WDR72: variants seen among roughly 807,000 people sequenced by gnomAD.
WDR72 encodes the protein WD repeat-containing protein 72.
Under a neutral mutation model 124.2 loss-of-function variants are expected in WDR72, and 120 were observed. The observed-to-expected ratio is 0.97, with a 90% CI of 0.83 to 1.12. WDR72 has a LOEUF of 1.12. WDR72 is among the 50% of genes most tolerant of loss of function. The pLI is 0.00. For missense variants in WDR72, 1,387 were observed against 1,278.8 expected, an observed-to-expected ratio of 1.08 and a Z score of -1.29; for synonymous variants, 452 against 441.7, an observed-to-expected ratio of 1.02 and a Z score of -0.29.
intron 18 of WDR72, among the ~76,000 whole-genome samples, chr15:53,540,386 G>C (rs1175231376): frequency 6.6e-6 from 1 of 152,072 alleles, no homozygotes; most frequent in Non-Finnish European, 1.5e-5. Context: ...TCCAGGAATG[G>C]AACTAGCACA....
chr15:53,746,218 T>A (rs1227415723), intron 1 of WDR72, among the ~76,000 whole-genome samples: 2 of 152,212 alleles, frequency 1.3e-5, no homozygotes, highest in Non-Finnish European at 2.9e-5. Flanking sequence ...TTTGTTTTTA[T>A]CTTTCTGACT....
rs71297666 is a variant in WDR72 at position 53,650,893 on chromosome 15, G to GTTTTTTTT, written c.1962+14671_1962+14678dup. On this transcript the variant is annotated intron_variant, in intron 14 of 19. Transcript: ENST00000360509. ...CAGACACACTCTCTCCTCTAATTCA[G>GTTTTTTTT]TTTTTTTTTTTTTTTTTTTTTTTAC... is the stretch of plus-strand genomic sequence containing the variant. Among the ~76,000 whole-genome samples the GTTTTTTTT allele has an allele frequency of 4.7e-3, 501 of 106,736 alleles. 33 individuals are homozygous for GTTTTTTTT. Among genetic ancestry groups the GTTTTTTTT allele is most frequent in the African/African-American group, 0.018 (474 of 26,456 alleles). 70.0% of individuals were successfully genotyped at this position (106,736 alleles called of 152,430 possible).
At chr15:53,624,114 T>C (rs1178750941) in intron 14 of WDR72, among the ~76,000 whole-genome samples, 1 of 152,062 alleles carries the variant, frequency 6.6e-6, no homozygotes, top group Non-Finnish European at 1.5e-5. Context: ...AGAAGACCTC[T>C]GAAGTGATGG....
At chr15:53,713,153 T>TA (rs56361280) in intron 6 of WDR72, among the ~76,000 whole-genome samples, 203 of 130,690 alleles carry the variant, frequency 1.6e-3, no homozygotes, top group Non-Finnish European at 2.3e-3. Flanking sequence ...CCTGAAAGTT[T>TA]AAAAAAAAAA....
rs189026841 is a variant in WDR72, at chr15:53,527,316, T to C, written c.3149-3994A>G. 2.6e-5 allele frequency among the ~76,000 whole-genome samples: 4 copies of C among 152,120 alleles called. No individual in the cohort carries two copies. The East Asian group carries it at 7.8e-4, about 30-fold the overall frequency. On this transcript the variant is annotated intron_variant, in intron 18 of 19. Coordinates refer to ENST00000360509, the MANE Select transcript of WDR72 (RefSeq NM_182758.4). ...TCTCTAAAAATTCCGTTCTTCCTTT[T>C]CTCCTCACTTGCAGAAAGATGGTAT... is the stretch of plus-strand genomic sequence containing the variant.
At chr15:53,747,608 A>G (rs2018674272) in intron 1 of WDR72, among the ~76,000 whole-genome samples, 2 of 152,190 alleles carry the variant, frequency 1.3e-5, no homozygotes, top group South Asian at 2.1e-4. Flanking sequence ...CTTTCATTAC[A>G]TGGATGAGGT....
chr15:53,721,573 T>C (rs988255914), intron 3 of WDR72, among the ~76,000 whole-genome samples: 3 of 152,222 alleles, frequency 2.0e-5, no homozygotes, highest in Non-Finnish European at 4.4e-5. Flanking sequence ...AATATTACAA[T>C]TAATGATTTA....
In WDR72 at chr15:53,616,164, A is replaced by G; in HGVS notation, c.2042T>C (p.Ile681Thr). 1.2e-6 allele frequency: 2 copies of G among 1,607,402 alleles called. No homozygotes were observed. The highest frequency in any genetic ancestry group is 2.2e-5 in the South Asian group (2 of 90,356). The change falls in exon 15 of 20, where the codon ATT becomes ACT. Residue 681 changes from isoleucine (I) to threonine (T), a missense_variant. Physicochemically the swap from Ile to Thr is moderately conservative, Grantham distance 89. Transcript: ENST00000360509. ...AAGGTTTTCCAGATCAAATAGAAGA[A>G]TATGAAAGCCAACGTTACTCCATTT... is the stretch of plus-strand genomic sequence containing the variant. ...KTKWSNVGFH[I>T]LLFDLENLVE...
At chr15:53,757,927 A>G (rs2018954200) in intron 1 of WDR72, among the ~76,000 whole-genome samples, 1 of 152,170 alleles carries the variant, frequency 6.6e-6, no homozygotes, top group Admixed American at 6.5e-5. Context: ...CATTGGGTAG[A>G]GACCGTTAAT....
chr15:53,714,558 G>T, intron 5 of WDR72, 48 bp from the exon 6 acceptor site: 2 of 1,443,592 alleles, frequency 1.4e-6, no homozygotes, highest in South Asian at 1.1e-5. Context: ...GGATATAATT[G>T]GGTAGGTAAA....
chr15:53,656,190 A>G (rs2015414715), intron 14 of WDR72, among the ~76,000 whole-genome samples: 2 of 152,248 alleles, frequency 1.3e-5, no homozygotes, highest in South Asian at 4.1e-4. Flanking sequence ...CCAAAAGATT[A>G]TGCAGGATAT....
intron 18 of WDR72, among the ~76,000 whole-genome samples, chr15:53,533,548 G>C (rs1246768175): frequency 6.6e-6 from 1 of 152,056 alleles, no homozygotes; most frequent in Admixed American, 6.5e-5. Flanking sequence ...AAGGACCTTT[G>C]TTCACTCAGC....
chr15:53,635,055 T>C (rs1178726771), intron 14 of WDR72, among the ~76,000 whole-genome samples: 1 of 152,208 alleles, frequency 6.6e-6, no homozygotes, highest in Non-Finnish European at 1.5e-5. Context: ...CTCAACTGTG[T>C]CACTAAAGTG....
At chr15:53,525,271 A>G (rs74017407) in intron 18 of WDR72, among the ~76,000 whole-genome samples, 7,645 of 152,110 alleles carry the variant, frequency 0.05, 435 homozygotes, top group African/African-American at 0.14. Context: ...AATGATTTTT[A>G]TCTCTATATA....
chr15:53,551,442 C>G (rs1429481618), intron 18 of WDR72, among the ~76,000 whole-genome samples: 1 of 152,160 alleles, frequency 6.6e-6, no homozygotes, highest in Non-Finnish European at 1.5e-5. Context: ...CTCAGCCTTT[C>G]TCTTTCCAGC....
At chr15:53,665,154 G>A in intron 14 of WDR72, among the ~76,000 whole-genome samples, 1 of 151,708 alleles carries the variant, frequency 6.6e-6, no homozygotes, top group East Asian at 1.9e-4. Context: ...TACAGATATT[G>A]GTTATATCAA....
chr15:53,560,663 G>A (rs557676245), intron 18 of WDR72, among the ~76,000 whole-genome samples: 5 of 151,970 alleles, frequency 3.3e-5, no homozygotes, highest in East Asian at 1.9e-4. Flanking sequence ...AACTTTGGAA[G>A]TCTAGTTTAA....
chr15:53,723,611 G>C (rs923736697), intron 2 of WDR72, among the ~76,000 whole-genome samples: 12 of 152,080 alleles, frequency 7.9e-5, no homozygotes, highest in African/African-American at 1.2e-4. Context: ...TTATCCATGG[G>C]GGACTGGTTC....
chr15:53,761,557 G>A (rs2019064226), upstream of WDR72, among the ~76,000 whole-genome samples: 1 of 152,212 alleles, frequency 6.6e-6, no homozygotes, highest in South Asian at 2.1e-4. Flanking sequence ...TAGGCATGGT[G>A]GCTCATGCCT....
Sources: gnomAD v4.1 joint callset for allele counts (sites outside exome capture counted in the v4.1 genomes callset) on GRCh38, gnomAD v4.1.1 for gene constraint, MANE v1.5 for transcripts, NCBI Gene and HGNC (gene_info 2026-07-23, HGNC 2026-07-21) for gene names.